The following ZIM2 variants were observed in gnomAD, a reference collection of about 807,000 sequenced individuals.
ZIM2 encodes the protein zinc finger imprinted 2.
ZIM2 carries 14 observed loss-of-function variants against 38.6 expected under a neutral mutation model. That is an observed-to-expected ratio of 0.36 (90% CI 0.24 to 0.57). ZIM2 has a LOEUF of 0.57. Among genes scored for constraint, ZIM2 ranks in the 20% least tolerant of loss-of-function variants. The probability of loss-of-function intolerance (pLI) is 0.81; values close to 1 mark genes in which losing one functional copy is unlikely to be tolerated. For missense variants in ZIM2, 680 were observed against 695.1 expected (o/e 0.98, Z 0.24); for synonymous variants, 247 against 245.8 (o/e 1.00, Z -0.04).
chr19:56,824,180 C>A, intron 4 of ZIM2, 82 bp downstream of exon 4: 1 of 1,552,360 alleles, frequency 6.4e-7, no homozygotes, highest in Middle Eastern at 2.4e-4. Context: ...CAGTCCAGAC[C>A]ATGTCAGAAG....
chr19:56,779,900 C>A (rs555865926), intron 11 of ZIM2, among the ~76,000 whole-genome samples: 1 of 152,328 alleles, frequency 6.6e-6, no homozygotes, highest in African/African-American at 2.4e-5. Flanking sequence ...GTTCTTTTCC[C>A]TCCTGGGATA....
At chr19:56,777,773 C>T (rs2046097712) in intron 12 of ZIM2, among the ~76,000 whole-genome samples, 1 of 152,188 alleles carries the variant, frequency 6.6e-6, no homozygotes, top group African/African-American at 2.4e-5. Context: ...ATATCAATAA[C>T]ACTACTTCAT....
At chr19:56,822,114 C>T (rs111541036) in intron 6 of ZIM2, among the ~76,000 whole-genome samples, 6 of 152,146 alleles carry the variant, frequency 3.9e-5, no homozygotes, top group African/African-American at 9.7e-5. Flanking sequence ...CATCAGAGAC[C>T]GTCCCACAGG....
Position 56,775,509 on chromosome 19 carries a change from A to G in ZIM2, c.856T>C (p.Leu286=), listed in dbSNP as rs148184554. The part of the protein sequence containing the change: ...ICQGESHDDP[L]EPHQGNQEKL... ...TCTTGGTTGCCCTGGTGTGGTTCCA[A>G]TGGATCATCATGAGACTCTCCTGCA... The change falls in exon 13 of 13, where the codon TTG becomes CTG. Residue 286 remains leucine, a synonymous_variant. Transcript: ENST00000629319. 4.4e-4 allele frequency: 702 copies of G among 1,611,976 alleles called. 2 individuals are homozygous for G. The highest frequency in any genetic ancestry group is 2.2e-4 in the Admixed American group (13 of 59,684).
At chr19:56,795,779 T>G (rs1176891945) in intron 9 of ZIM2, among the ~76,000 whole-genome samples, 3 of 151,924 alleles carry the variant, frequency 2.0e-5, no homozygotes, top group African/African-American at 7.3e-5. Context: ...AGGCAGAGGT[T>G]ACAGTGAGCC....
At chr19:56,790,725 G>A (rs1486880131) in intron 9 of ZIM2, among the ~76,000 whole-genome samples, 1 of 152,162 alleles carries the variant, frequency 6.6e-6, no homozygotes, top group Non-Finnish European at 1.5e-5. Flanking sequence ...TATGTATGTA[G>A]AGGAAAAGAC....
At position 56,789,957 on chromosome 19, in the gene ZIM2, A is replaced by C. The variant is rs763064446; in HGVS notation, c.491-6T>G. On this transcript the variant is annotated splice_region_variant and splice_polypyrimidine_tract_variant and intron_variant, in intron 9 of 12. Transcript: ENST00000629319. ...AGAGTCCTGAGCAAGGAAACCTAGA[A>C]GGGAGAGAGGAATACCATGGAATTG... 7.1e-6 allele frequency: 11 copies of C among 1,545,644 alleles called. No homozygotes were observed. Among genetic ancestry groups the C allele is most frequent in the Non-Finnish European group, 9.7e-6 (11 of 1,134,470 alleles).
intron 6 of ZIM2, among the ~76,000 whole-genome samples, chr19:56,821,984 G>T (rs1279474424): frequency 6.6e-6 from 1 of 152,086 alleles, no homozygotes; most frequent in African/African-American, 2.4e-5. Flanking sequence ...TCTGCTCCCA[G>T]TCTCGGAGGT....
intron 9 of ZIM2, chr19:56,790,947 C>A (rs1396271199): frequency 2.0e-5 from 3 of 152,066 alleles, no homozygotes; most frequent in Admixed American, 6.6e-5. Context: ...TAAAAGACAA[C>A]CACCCCTTTC....
At chr19:56,818,052 T>C (rs1310417180) in intron 8 of ZIM2, among the ~76,000 whole-genome samples, 2 of 152,238 alleles carry the variant, frequency 1.3e-5, no homozygotes, top group Non-Finnish European at 2.9e-5. Context: ...CACTCAGAAA[T>C]GTGTACAAAG....
chr19:56,817,001 C>T (rs761429479), intron 9 of ZIM2: 2 of 1,613,952 alleles, frequency 1.2e-6, no homozygotes, highest in Non-Finnish European at 1.7e-6. Flanking sequence ...TCACCATACT[C>T]ATAGAGGTTC....
At chr19:56,818,567 G>A (rs570757239) in intron 8 of ZIM2, 33 bp downstream of exon 8, 1 of 1,610,758 alleles carries the variant, frequency 6.2e-7, no homozygotes, top group Admixed American at 1.7e-5. Context: ...CCAATGACTG[G>A]ACTGGGAGTG....
chr19:56,811,396 G>T, intron 9 of ZIM2: 1 of 873,774 alleles, frequency 1.1e-6, no homozygotes, highest in Non-Finnish European at 1.4e-6. Context: ...TTCGTGTCCT[G>T]CTTTCTCCAC....
chr19:56,824,532 A>G (rs2060827074), intron 3 of ZIM2, 105 bp from the exon 4 acceptor site: 1 of 1,614,014 alleles, frequency 6.2e-7, no homozygotes, highest in Admixed American at 1.7e-5. Context: ...AAAAACTCAG[A>G]GTCAGTTGGA....
intron 9 of ZIM2, among the ~76,000 whole-genome samples, chr19:56,791,807 C>T (rs1568575768): frequency 6.6e-6 from 1 of 152,130 alleles, no homozygotes; most frequent in Non-Finnish European, 1.5e-5. Context: ...TCTTGAAATG[C>T]CTCCTTAGCT....
At chr19:56,837,153 C>T (rs2062233279) in intron 1 of ZIM2, among the ~76,000 whole-genome samples, 1 of 152,090 alleles carries the variant, frequency 6.6e-6, no homozygotes, top group East Asian at 1.9e-4. Context: ...GGGAGGGCCA[C>T]ACCCAAACGA....
chr19:56,809,208 C>T (rs1164963174), intron 9 of ZIM2, among the ~76,000 whole-genome samples: 1 of 152,174 alleles, frequency 6.6e-6, no homozygotes, highest in Non-Finnish European at 1.5e-5. Flanking sequence ...ATGCTCGTCA[C>T]AGAATGACCA....
intron 12 of ZIM2, among the ~76,000 whole-genome samples, chr19:56,776,631 C>G (rs2046024503): frequency 6.6e-6 from 1 of 152,162 alleles, no homozygotes; most frequent in Non-Finnish European, 1.5e-5. Context: ...TCTACACTGT[C>G]AACCAATCCT....
At chr19:56,815,568 A>C (rs1333862198) in intron 9 of ZIM2, 1 of 1,614,072 alleles carries the variant, frequency 6.2e-7, no homozygotes. Context: ...ATGTTTGTTC[A>C]CCAAAAGGCA....
Sources: allele counts gnomAD v4.1 joint callset (sites outside exome capture counted in the v4.1 genomes callset), GRCh38; gene constraint gnomAD v4.1.1; transcripts MANE v1.5; gene names NCBI Gene and HGNC (gene_info 2026-07-23, HGNC 2026-07-21).